LINGO1: variants seen among roughly 807,000 people sequenced by gnomAD.
The protein encoded by LINGO1 is leucine-rich repeat and immunoglobulin-like domain-containing nogo receptor-interacting protein 1.
In LINGO1, 11 loss-of-function variants were observed where a neutral mutation model predicts 37.3. That is an observed-to-expected ratio of 0.29 (90% CI 0.19 to 0.49). LINGO1 has a LOEUF of 0.49. LINGO1 is among the 20% of genes least tolerant of loss of function. LINGO1 has a pLI of 0.99. For synonymous variants in LINGO1, 387 were observed against 403.0 expected (o/e 0.96, Z 0.48); for missense variants, 585 against 878.2 (o/e 0.67, Z 4.22).
intron 1 of LINGO1, among the ~76,000 whole-genome samples, chr15:77,782,222 CACACA>C (rs2076726106): frequency 3.5e-5 from 5 of 142,638 alleles, no homozygotes; most frequent in Non-Finnish European, 6.4e-5. Context: ...TACACACACA[CACACA>C]CACACACACA....
rs139088590 is a variant in LINGO1, at chr15:77,629,031, G to C, written c.6+3279C>G. Among the ~76,000 whole-genome samples the C allele has an allele frequency of 1.1e-3, 172 of 152,292 alleles. 1 individual carries two copies. Among genetic ancestry groups the C allele is most frequent in the Admixed American group, 2.2e-3 (34 of 15,298 alleles). Reference sequence around the variant, plus strand: ...ATATGTTAGCACACCTAATTGTCACGACCTCCCTTGAGGTGGATACTATTG... The same window carrying C: ...ATATGTTAGCACACCTAATTGTCACCACCTCCCTTGAGGTGGATACTATTG... On this transcript the variant is annotated intron_variant, in intron 1 of 1. Coordinates refer to ENST00000355300, the MANE Select transcript of LINGO1 (RefSeq NM_032808.7).
chr15:77,819,232 C>G (rs2077075975), intron 1 of LINGO1: 1 of 149,352 alleles, frequency 6.7e-6, no homozygotes, highest in South Asian at 2.1e-4. Context: ...CCCCTGCGGC[C>G]CTGGCCCCGC....
At chr15:77,669,724 C>CAGGGAAGGAATGAAAGTG (rs2075213762) in intron 3 of LINGO1, among the ~76,000 whole-genome samples, 1 of 152,148 alleles carries the variant, frequency 6.6e-6, no homozygotes, top group Admixed American at 6.5e-5. Flanking sequence ...CTACAGGGGC[C>CAGGGAAGGAATGAAAGTG]AGGGAAGGAA....
At chr15:77,727,559 G>A (rs946921488) in intron 2 of LINGO1, among the ~76,000 whole-genome samples, 5 of 152,170 alleles carry the variant, frequency 3.3e-5, no homozygotes, top group African/African-American at 9.7e-5. Context: ...GAAAGTAGCA[G>A]GAAGGCTGCC....
chr15:77,644,169 C>A (rs1330025176), intron 3 of LINGO1, among the ~76,000 whole-genome samples: 1 of 152,190 alleles, frequency 6.6e-6, no homozygotes, highest in Non-Finnish European at 1.5e-5. Context: ...TTGTCGAACT[C>A]TGTGGTATGT....
At chr15:77,694,806 T>C (rs963070698) in intron 1 of LINGO1, among the ~76,000 whole-genome samples, 2 of 152,198 alleles carry the variant, frequency 1.3e-5, no homozygotes, top group African/African-American at 4.8e-5. Context: ...ACAGCTGCTG[T>C]GGGCCAGGGG....
chr15:77,798,169 T>C (rs1443172828), intron 1 of LINGO1, among the ~76,000 whole-genome samples: 1 of 152,126 alleles, frequency 6.6e-6, no homozygotes, highest in East Asian at 1.9e-4. Context: ...GGACAGAACA[T>C]AGTGGTGCCA....
chr15:77,705,376 C>T (rs907256777), intron 2 of LINGO1, among the ~76,000 whole-genome samples: 1 of 152,200 alleles, frequency 6.6e-6, no homozygotes, highest in East Asian at 1.9e-4. Context: ...ATGCCTCACT[C>T]GTTCCCGGGG....
At chr15:77,628,062 G>A (rs1005572557) in intron 1 of LINGO1, among the ~76,000 whole-genome samples, 6 of 152,190 alleles carry the variant, frequency 3.9e-5, no homozygotes, top group Admixed American at 6.5e-5. Context: ...TGACAATACC[G>A]AGTGTTGATC....
intron 1 of LINGO1, among the ~76,000 whole-genome samples, chr15:77,783,980 A>G (rs1026248983): frequency 1.4e-4 from 21 of 152,360 alleles, no homozygotes; most frequent in African/African-American, 5.0e-4. Context: ...CAGAGACATT[A>G]GGAAGCTGGG....
At chr15:77,819,182 G>GCGCCGCCGCGC (rs1179672081) in intron 1 of LINGO1, 1 of 148,326 alleles carries the variant, frequency 6.7e-6, no homozygotes, top group Admixed American at 6.7e-5. Context: ...CGCGCGCGCC[G>GCGCCGCCGCGC]CGCCGCCGGC....
intron 3 of LINGO1, among the ~76,000 whole-genome samples, chr15:77,641,175 C>G (rs889326319): frequency 1.3e-5 from 2 of 152,176 alleles, no homozygotes; most frequent in East Asian, 3.9e-4. Context: ...CAAGGAGGTG[C>G]CAGCTCAGCT....
At chr15:77,688,994 G>C (rs1369966847) in intron 2 of LINGO1, among the ~76,000 whole-genome samples, 1 of 152,212 alleles carries the variant, frequency 6.6e-6, no homozygotes, top group Non-Finnish European at 1.5e-5. Context: ...GGTGGAGCTG[G>C]AAGATGGACT....
Position 77,672,555 on chromosome 15 carries a change from C to T in LINGO1, c.-13+4534G>A, listed in dbSNP as rs562033578. Among the ~76,000 whole-genome samples, 12 of 152,282 alleles carry T rather than the reference C, an allele frequency of 7.9e-5. No individual in the cohort carries two copies. The South Asian group carries it at 2.3e-3, about 29-fold the overall frequency. On this transcript the variant is annotated intron_variant, in intron 3 of 3. Transcript: ENST00000559893. ...GGAGACCTTCCAGCCTCCAGAATCC[C>T]CTCCTCACCTCTCACTTCACTGAGG... is the stretch of plus-strand genomic sequence containing the variant.
intron 3 of LINGO1, chr15:77,667,112 T>A (rs560417739): frequency 1.3e-5 from 2 of 152,170 alleles, no homozygotes; most frequent in East Asian, 3.9e-4. Flanking sequence ...GGTCTGGGAG[T>A]GCTAATCCTA....
chr15:77,642,715 G>A (rs1596034741), intron 3 of LINGO1, among the ~76,000 whole-genome samples: 1 of 152,210 alleles, frequency 6.6e-6, no homozygotes, highest in African/African-American at 2.4e-5. Context: ...TTGGGCAGCA[G>A]ACAGGTTCAT....
At chr15:77,662,776 A>G (rs916270833) in intron 3 of LINGO1, among the ~76,000 whole-genome samples, 1 of 152,236 alleles carries the variant, frequency 6.6e-6, no homozygotes, top group Non-Finnish European at 1.5e-5. Flanking sequence ...TCCTGTGCAC[A>G]TGTGCCCTCA....
upstream of LINGO1, among the ~76,000 whole-genome samples, chr15:77,635,087 G>A (rs1275061729): frequency 6.6e-6 from 1 of 152,200 alleles, no homozygotes; most frequent in East Asian, 1.9e-4. Flanking sequence ...GGAAGCTGGG[G>A]TCCTAGGGTG....
At chr15:77,818,967 C>T (rs1451185474) in intron 1 of LINGO1, among the ~76,000 whole-genome samples, 1 of 151,762 alleles carries the variant, frequency 6.6e-6, no homozygotes, top group African/African-American at 2.4e-5. Context: ...TCCGTCCCCA[C>T]CCCTCCCGGC....
Sources: allele counts gnomAD v4.1 joint callset (sites outside exome capture counted in the v4.1 genomes callset), GRCh38; gene constraint gnomAD v4.1.1; transcripts MANE v1.5; gene names NCBI Gene and HGNC (gene_info 2026-07-23, HGNC 2026-07-21).